Variants in VPS13C observed in about 807,000 individuals in gnomAD.
The protein encoded by VPS13C is vacuolar protein sorting 13 homolog C.
A neutral mutation model predicts 456.8 loss-of-function variants in VPS13C; 358 were observed. That is an observed-to-expected ratio of 0.78 (90% CI 0.72 to 0.86). The LOEUF is 0.86. Ranked by LOEUF, VPS13C falls within the 40% of genes least tolerant of loss-of-function variation. The pLI is 0.00. For missense variants in VPS13C, 4,818 were observed against 4,385.4 expected, an observed-to-expected ratio of 1.10 and a Z score of -2.79; for synonymous variants, 1,578 against 1,486.7, an observed-to-expected ratio of 1.06 and a Z score of -1.41.
chr15:61,854,925 A>C lies in VPS13C; in HGVS notation c.11106T>G (p.Ser3702Arg), dbSNP rs1355786353. Residue 3702 changes from serine to arginine, a missense_variant, in exon 84 of 85, where the codon AGT (serine) becomes AGG (arginine). Around this residue, in one of 3 missense-constraint regions of VPS13C, gnomAD observed 261 missense variants for 234.1 expected, o/e 1.11. Coordinates refer to ENST00000644861, the MANE Select transcript of VPS13C (RefSeq NM_020821.3). ...KEQGLFHKKD[S>R]ANQGCVRKVY... ...CTTTTCGAACACAGCCTTGATTGGC[A>C]CTGTCTTTTTTGTGGAACAGACCCT... The C allele has an allele frequency of 1.2e-6, 2 of 1,613,280 alleles. No individual in the cohort carries two copies. The highest frequency in any genetic ancestry group is 3.3e-5 in the Admixed American group (2 of 59,812).
chr15:62,002,448 A>C (rs1007720310), intron 15 of VPS13C, among the ~76,000 whole-genome samples: 9 of 151,678 alleles, frequency 5.9e-5, no homozygotes, highest in Admixed American at 2.0e-4. Context: ...GGTTGCGAAA[A>C]TTTTCTCCCA....
intron 82 of VPS13C, among the ~76,000 whole-genome samples, chr15:61,860,267 TA>T (rs1026671240): frequency 6.6e-6 from 1 of 152,048 alleles, no homozygotes; most frequent in African/African-American, 2.4e-5. Flanking sequence ...AAATGCTAAT[TA>T]AAACAAAAAA....
chr15:61,857,831 C>T (rs1357700499), intron 82 of VPS13C, among the ~76,000 whole-genome samples: 3 of 152,152 alleles, frequency 2.0e-5, no homozygotes, highest in Non-Finnish European at 2.9e-5. Flanking sequence ...CATGAATGAA[C>T]ATGGTGACCA....
Position 61,917,636 on chromosome 15 carries a change from C to T in VPS13C, c.7761-1G>A, listed in dbSNP as rs753517306. 12 of 1,607,166 alleles carry T rather than the reference C, an allele frequency of 7.5e-6. No individual in the cohort carries two copies. Reference sequence around the variant, plus strand: ...AGCTGGCTGGATAAACAATTGACATCTGCAGAAAGAGGAAACAGTGACAAT... The same window carrying T: ...AGCTGGCTGGATAAACAATTGACATTTGCAGAAAGAGGAAACAGTGACAAT... On this transcript the variant is annotated splice_acceptor_variant, in intron 59 of 84. Transcript: ENST00000644861. LOFTEE classifies it high-confidence loss of function.
intron 19 of VPS13C, among the ~76,000 whole-genome samples, 195 bp downstream of exon 19, chr15:61,984,662 A>G (rs969424105): frequency 6.6e-6 from 1 of 152,176 alleles, no homozygotes; most frequent in South Asian, 2.1e-4. Context: ...GAAAGGAGGG[A>G]GGGCAGAACA....
intron 1 of VPS13C, among the ~76,000 whole-genome samples, chr15:62,052,971 C>T (rs1181255349): frequency 1.3e-5 from 2 of 152,148 alleles, no homozygotes; most frequent in East Asian, 3.9e-4. Context: ...TGTGGTAGAG[C>T]TTCCTAGCAG....
At chr15:61,983,586 A>T (rs2045949043) in intron 20 of VPS13C, 3 of 426,178 alleles carry the variant, frequency 7.0e-6, no homozygotes, top group Non-Finnish European at 1.2e-5. Context: ...TAGATTTTTT[A>T]AAATTTAACA....
Position 61,915,989 on chromosome 15 carries a change from T to C in VPS13C, c.8089A>G (p.Ser2697Gly), listed in dbSNP as rs771458307. 2 of 1,597,554 alleles carry C rather than the reference T, an allele frequency of 1.3e-6. No individual in the cohort carries two copies. Among genetic ancestry groups the C allele is most frequent in the South Asian group, 1.1e-5 (1 of 90,250 alleles). The change falls in exon 61 of 85, where the codon AGT becomes GGT. Residue 2697 changes from serine to glycine, a missense_variant. This residue lies in a region of VPS13C where 4,552 missense variants were observed against 4,130.6 expected (regional missense o/e 1.10). Coordinates refer to ENST00000644861, the MANE Select transcript of VPS13C (RefSeq NM_020821.3). ...TAETHELAEG[S>G]TADVLHSRIS... ...CTCGAATGCAGAACATCAGCAGTACTGCCTTCTGCCAGCTCATGAGTTTCT... is the reference window on the plus strand; with the variant it reads ...CTCGAATGCAGAACATCAGCAGTACCGCCTTCTGCCAGCTCATGAGTTTCT...
chr15:62,043,005 A>G (rs1214205118), intron 2 of VPS13C, among the ~76,000 whole-genome samples: 1 of 151,484 alleles, frequency 6.6e-6, no homozygotes, highest in Non-Finnish European at 1.5e-5. Flanking sequence ...AGTTCAAATA[A>G]TTTGTCTCCT....
Position 62,007,440 on chromosome 15 carries a change from T to G in VPS13C, c.1158A>C (p.Ile386=). 1.3e-6 allele frequency: 2 copies of G among 1,599,356 alleles called. No individual in the cohort carries two copies. The highest frequency in any genetic ancestry group is 1.7e-6 in the Non-Finnish European group (2 of 1,174,492). ...YAIDSVLEVH[I]RRYTQMWSWS... ...ATGACCACATCTGTGTATACCTTCTTATATGAACTTCAAGAACAGAATCAA... is the reference window on the plus strand; with the variant it reads ...ATGACCACATCTGTGTATACCTTCTGATATGAACTTCAAGAACAGAATCAA... The change falls in exon 15 of 85, where the codon ATA becomes ATC. Residue 386 remains isoleucine (I), a synonymous_variant. Coordinates refer to ENST00000644861, the MANE Select transcript of VPS13C (RefSeq NM_020821.3).
Position 61,902,246 on chromosome 15 carries a change from A to C in VPS13C, c.9105+5018T>G, listed in dbSNP as rs1163674994. 1.5e-4 allele frequency among the ~76,000 whole-genome samples: 23 copies of C among 151,952 alleles called. 1 individual carries two copies. The highest frequency in any genetic ancestry group is 1.5e-3 in the Admixed American group (23 of 15,248). On this transcript the variant is annotated intron_variant, in intron 66 of 84. Coordinates refer to ENST00000644861, the MANE Select transcript of VPS13C (RefSeq NM_020821.3). ...CTGCACAATGTGCACATGTACCCTA[A>C]AACTTAAAGTATAATAATAAAAGAA...
Position 61,872,008 on chromosome 15 carries a change from T to C in VPS13C, c.10605A>G (p.Ile3535Met), listed in dbSNP as rs1555408431. The C allele has an allele frequency of 6.2e-7, 1 of 1,612,664 alleles. No homozygotes were observed. The highest frequency in any genetic ancestry group is 2.2e-5 in the East Asian group (1 of 44,752). Residue 3535 changes from isoleucine to methionine, a missense_variant, in exon 79 of 85, where the codon ATA (isoleucine) becomes ATG (methionine). By Grantham distance (10) the Ile-to-Met change is conservative (BLOSUM62 1). Coordinates refer to ENST00000644861, the MANE Select transcript of VPS13C (RefSeq NM_020821.3). ...LRGVVGGVTG[I>M]ITKPVEGAKK... ...ACATACCTTCCACAGGTTTTGTTAT[T>C]ATTCCAGTCACTCCACCAACAACTC...
chr15:62,004,391 T>C (rs2046754313), intron 15 of VPS13C, among the ~76,000 whole-genome samples: 1 of 152,174 alleles, frequency 6.6e-6, no homozygotes, highest in South Asian at 2.1e-4. Flanking sequence ...ATTTATTGCA[T>C]CTATTTGATT....
intron 18 of VPS13C, among the ~76,000 whole-genome samples, chr15:61,988,003 T>TA (rs2046109979): frequency 6.6e-6 from 1 of 151,868 alleles, no homozygotes; most frequent in East Asian, 1.9e-4. Flanking sequence ...AGGAAATAGA[T>TA]AAAAAATTAT....
chr15:61,873,178 C>G (rs1895159637), intron 78 of VPS13C, 68 bp downstream of exon 78: 1 of 1,591,180 alleles, frequency 6.3e-7, no homozygotes, highest in Admixed American at 1.7e-5. Flanking sequence ...TTCTAAGTTT[C>G]ACACAACCAG....
At chr15:61,926,601 T>C in intron 52 of VPS13C, among the ~76,000 whole-genome samples, 1 of 152,236 alleles carries the variant, frequency 6.6e-6, no homozygotes, top group East Asian at 1.9e-4. Context: ...ACCATAAAAT[T>C]ATCAATACTA....
At chr15:61,916,138 T>C in intron 60 of VPS13C, 116 bp from the exon 61 acceptor site, 2 of 1,171,480 alleles carry the variant, frequency 1.7e-6, no homozygotes, top group Non-Finnish European at 2.3e-6. Context: ...CTAAGTCTTC[T>C]GTGAAGTACC....
At chr15:62,022,698 T>G (rs913182385) in intron 8 of VPS13C, among the ~76,000 whole-genome samples, 1 of 151,916 alleles carries the variant, frequency 6.6e-6, no homozygotes, top group African/African-American at 2.4e-5. Flanking sequence ...TTAATTCAAT[T>G]CAAATTAAAA....
intron 1 of VPS13C, among the ~76,000 whole-genome samples, chr15:62,045,691 A>G (rs1313504248): frequency 6.6e-6 from 1 of 152,158 alleles, no homozygotes; most frequent in East Asian, 1.9e-4. Flanking sequence ...GTCCTAAGGA[A>G]TAACTATTGA....
Sources: gnomAD v4.1 joint callset for allele counts (sites outside exome capture counted in the v4.1 genomes callset) on GRCh38, gnomAD v4.1.1 for gene constraint, gnomAD v4.1.1 regional missense constraint, MANE v1.5 for transcripts, NCBI Gene and HGNC (gene_info 2026-07-23, HGNC 2026-07-21) for gene names.